The following EPHA5 variants were observed in gnomAD, a reference collection of about 807,000 sequenced individuals.
EPHA5 encodes the protein ephrin type-A receptor 5.
In EPHA5, 60 loss-of-function variants were observed where a neutral mutation model predicts 105.0. The ratio of observed to expected loss-of-function variants is 0.57; its 90% CI spans 0.46 to 0.71. The LOEUF (loss-of-function observed/expected upper bound fraction) is 0.71. Among genes scored for constraint, EPHA5 ranks in the 30% least tolerant of loss-of-function variants. EPHA5 has a pLI of 0.00. For synonymous variants in EPHA5, 513 were observed against 449.1 expected, an observed-to-expected ratio of 1.14 and a Z score of -1.80; for missense variants, 1,218 against 1,274.7, an observed-to-expected ratio of 0.96 and a Z score of 0.68.
intron 2 of EPHA5, among the ~76,000 whole-genome samples, chr4:65,640,046 G>A (rs553249040): frequency 7.2e-5 from 11 of 152,122 alleles, no homozygotes; most frequent in Non-Finnish European, 1.5e-4. Context: ...GGCATCTTCA[G>A]TACAAAGTCT....
intron 2 of EPHA5, among the ~76,000 whole-genome samples, chr4:65,638,693 C>T (rs1398435671): frequency 6.6e-6 from 1 of 152,106 alleles, no homozygotes. Flanking sequence ...GAGTTGAGAT[C>T]GTGCCATTGC....
At chr4:65,605,108 GAATA>G (rs1164265835) in intron 2 of EPHA5, among the ~76,000 whole-genome samples, 6 of 152,140 alleles carry the variant, frequency 3.9e-5, no homozygotes, top group Non-Finnish European at 2.9e-5. Flanking sequence ...TTCCCGTTAA[GAATA>G]AATAACTGGT....
At chr4:65,484,614 A>T (rs1730700068) in intron 5 of EPHA5, among the ~76,000 whole-genome samples, 1 of 152,126 alleles carries the variant, frequency 6.6e-6, no homozygotes, top group Non-Finnish European at 1.5e-5. Flanking sequence ...TTCGGCCCAG[A>T]ATTAGAATTC....
intron 8 of EPHA5, among the ~76,000 whole-genome samples, chr4:65,390,592 C>T (rs1485381298): frequency 6.6e-6 from 1 of 151,942 alleles, no homozygotes; most frequent in Non-Finnish European, 1.5e-5. Flanking sequence ...GGCAAGAACT[C>T]AACAAACAGC....
chr4:65,479,911 A>G (rs1264766522), intron 5 of EPHA5, among the ~76,000 whole-genome samples: 3 of 152,182 alleles, frequency 2.0e-5, no homozygotes, highest in Non-Finnish European at 4.4e-5. Context: ...GTTGCTCTTT[A>G]GTGTAGATAA....
At chr4:65,513,903 C>A (rs1733863399) in intron 3 of EPHA5, among the ~76,000 whole-genome samples, 1 of 152,120 alleles carries the variant, frequency 6.6e-6, no homozygotes, top group Non-Finnish European at 1.5e-5. Flanking sequence ...CTTTGTATAA[C>A]TTTGTACAGT....
At chr4:65,372,467 C>CA (rs1718573313) in intron 8 of EPHA5, among the ~76,000 whole-genome samples, 1 of 151,758 alleles carries the variant, frequency 6.6e-6, no homozygotes, top group South Asian at 2.1e-4. Flanking sequence ...CTGTGTGAGT[C>CA]ATTTATATTT....
intron 3 of EPHA5, among the ~76,000 whole-genome samples, chr4:65,558,065 C>G (rs1361223254): frequency 6.6e-6 from 1 of 151,870 alleles, no homozygotes; most frequent in Non-Finnish European, 1.5e-5. Context: ...TTAGTAGAGA[C>G]AGGGATTCAC....
At chr4:65,474,316 A>G (rs375383979) in intron 5 of EPHA5, among the ~76,000 whole-genome samples, 28 of 152,322 alleles carry the variant, frequency 1.8e-4, no homozygotes, top group South Asian at 1.2e-3. Context: ...AATAAAGAGT[A>G]TTTAAAAAAT....
At chr4:65,514,055 C>T (rs1312805735) in intron 3 of EPHA5, among the ~76,000 whole-genome samples, 5 of 152,078 alleles carry the variant, frequency 3.3e-5, no homozygotes, top group African/African-American at 1.2e-4. Context: ...TTTGCACAAA[C>T]AAACATATGG....
intron 3 of EPHA5, among the ~76,000 whole-genome samples, chr4:65,547,106 T>C (rs1737450069): frequency 6.6e-6 from 1 of 151,974 alleles, no homozygotes; most frequent in South Asian, 2.1e-4. Flanking sequence ...GATGAATCAA[T>C]GCAGAGAAAG....
intron 3 of EPHA5, among the ~76,000 whole-genome samples, chr4:65,569,068 AACATGCCATTGCAAAAAATTATAT>A (rs1386225978): frequency 6.6e-5 from 10 of 151,470 alleles, no homozygotes; most frequent in Admixed American, 2.0e-4. Flanking sequence ...TTACTATGCA[AACATGCCATTGCAAAAAATTATAT>A]ATTTCAAGTA....
chr4:65,643,810 T>A (rs746715925), intron 1 of EPHA5, among the ~76,000 whole-genome samples: 26 of 152,116 alleles, frequency 1.7e-4, no homozygotes, highest in Admixed American at 5.9e-4. Flanking sequence ...AGCCATAAAA[T>A]TGGAGCTAAA....
At chr4:65,613,447 CTGCAGAT>C (rs1744956125) in intron 2 of EPHA5, among the ~76,000 whole-genome samples, 1 of 151,982 alleles carries the variant, frequency 6.6e-6, no homozygotes, top group South Asian at 2.1e-4. Flanking sequence ...TGCATTGAAT[CTGCAGAT>C]TGCTTTGGGC....
chr4:65,564,491 C>G (rs1739330106), intron 3 of EPHA5, among the ~76,000 whole-genome samples: 1 of 151,576 alleles, frequency 6.6e-6, no homozygotes, highest in Non-Finnish European at 1.5e-5. Context: ...TTCTAGTGAC[C>G]TGGCTATGAA....
intron 1 of EPHA5, 37 bp downstream of exon 1, chr4:65,669,524 GC>G: frequency 7.5e-7 from 1 of 1,342,030 alleles, no homozygotes. Flanking sequence ...TAGCCCCTCC[GC>G]CCCAGGTCGC....
chr4:65,402,370 C>T (rs1721927195), intron 8 of EPHA5, among the ~76,000 whole-genome samples: 3 of 152,114 alleles, frequency 2.0e-5, no homozygotes, highest in South Asian at 4.1e-4. Flanking sequence ...ATGATACTAT[C>T]CTTCGGTTAC....
intron 3 of EPHA5, among the ~76,000 whole-genome samples, chr4:65,515,159 T>C (rs1578305629): frequency 6.6e-6 from 1 of 152,172 alleles, no homozygotes; most frequent in Non-Finnish European, 1.5e-5. Flanking sequence ...TCCATGCTAA[T>C]AGACTTGATT....
At chr4:65,347,539 C>T (rs911309011) in intron 14 of EPHA5, among the ~76,000 whole-genome samples, 5 of 151,980 alleles carry the variant, frequency 3.3e-5, no homozygotes, top group African/African-American at 1.2e-4. Context: ...ATTATTTTTC[C>T]ATTGTGGGGA....
Sources: gnomAD v4.1 joint callset for allele counts (sites outside exome capture counted in the v4.1 genomes callset) on GRCh38, gnomAD v4.1.1 for gene constraint, MANE v1.5 for transcripts, NCBI Gene and HGNC (gene_info 2026-07-23, HGNC 2026-07-21) for gene names.